MYMK: variants seen among roughly 807,000 people sequenced by gnomAD.
MYMK encodes the protein protein myomaker.
MYMK carries 16 observed loss-of-function variants against 22.4 expected under a neutral mutation model. The observed-to-expected ratio is 0.72, with a 90% confidence interval of 0.48 to 1.09. MYMK has a LOEUF of 1.09. Ranked by LOEUF, MYMK falls within the 50% of genes least tolerant of loss-of-function variation. The pLI is 0.00. For synonymous variants in MYMK, 125 were observed against 127.0 expected (o/e 0.98, Z 0.11); for missense variants, 250 against 295.6 (o/e 0.85, Z 1.13).
At chr9:133,516,560 C>T (rs1002583787) in intron 3 of MYMK, among the ~76,000 whole-genome samples, 1 of 152,228 alleles carries the variant, frequency 6.6e-6, no homozygotes, top group Non-Finnish European at 1.5e-5. Context: ...CACAAAGAGC[C>T]TTATGCTGGG....
intron 2 of MYMK, 149 bp downstream of exon 2, chr9:133,520,025 C>A (rs1000327716): frequency 9.9e-6 from 6 of 604,722 alleles, no homozygotes; most frequent in Non-Finnish European, 3.0e-6. Context: ...TTAAGCACAA[C>A]CCTGAAACCC....
intron 3 of MYMK, among the ~76,000 whole-genome samples, chr9:133,516,862 A>G (rs1052737306): frequency 5.3e-5 from 8 of 152,136 alleles, no homozygotes; most frequent in Non-Finnish European, 1.0e-4. Context: ...CCGGGCTGCC[A>G]TTGCCCAACC....
chr9:133,523,151 C>T (rs188640831), intron 1 of MYMK, among the ~76,000 whole-genome samples: 15 of 152,364 alleles, frequency 9.8e-5, no homozygotes, highest in African/African-American at 3.4e-4. Flanking sequence ...CCCACACGTG[C>T]ACACTCAGCT....
At position 133,515,223 on chromosome 9, in the gene MYMK, T is replaced by TG. The variant is rs1394433121; in HGVS notation, c.516+267dup. Reference sequence around the variant, plus strand: ...GCCCCAGGCGTCTCCCAGGCTGTGCTGCCGTCTGAGATGCCAGCTGTCTGT... The same window carrying TG: ...GCCCCAGGCGTCTCCCAGGCTGTGCTGGCCGTCTGAGATGCCAGCTGTCTGT... On this transcript the variant is annotated intron_variant, in intron 4 of 4. Coordinates refer to ENST00000339996, the MANE Select transcript of MYMK (RefSeq NM_001080483.3). The surrounding 1 kb of genome is among the most constrained non-coding windows in gnomAD (Gnocchi z 5.8). Among the ~76,000 whole-genome samples, 1 of 145,530 alleles carries TG rather than the reference T, an allele frequency of 6.9e-6. No individual in the cohort carries two copies. The highest frequency in any genetic ancestry group is 2.4e-4 in the East Asian group (1 of 4,230).
intron 3 of MYMK, 49 bp downstream of exon 3, chr9:133,518,825 G>A (rs940559159): frequency 1.3e-6 from 2 of 1,582,120 alleles, no homozygotes; most frequent in Non-Finnish European, 8.6e-7. Context: ...CAGGGGAGAG[G>A]TGACGGGCCT....
At chr9:133,521,349 G>A (rs1422644739) in intron 1 of MYMK, among the ~76,000 whole-genome samples, 1 of 152,200 alleles carries the variant, frequency 6.6e-6, no homozygotes, top group Non-Finnish European at 1.5e-5. Context: ...AGCTCAGCGG[G>A]AGGAGCAGGC....
chr9:133,518,957 C>T lies in MYMK; in HGVS notation c.316G>A (p.Val106Met), dbSNP rs145245299. ...FVMFGVLTIA[V>M]RIYHDRWGYG... The stretch of plus-strand genomic sequence containing the variant: ...CCCCATCGGTCATGGTAGATCCGCA[C>T]AGCAATGGTCAGGACGCCGAACATC... The change falls in exon 3 of 5, where the codon GTG becomes ATG. Residue 106 changes from valine to methionine, a missense_variant. Coordinates refer to ENST00000339996, the MANE Select transcript of MYMK (RefSeq NM_001080483.3). The T allele has an allele frequency of 8.7e-5, 140 of 1,613,996 alleles. No individual in the cohort carries two copies. The African/African-American group carries it at 1.1e-3, about 12-fold the overall frequency.
At chr9:133,517,296 C>T (rs925415188) in intron 3 of MYMK, among the ~76,000 whole-genome samples, 3 of 152,176 alleles carry the variant, frequency 2.0e-5, no homozygotes, top group East Asian at 3.9e-4. Context: ...CTCCCAGGGG[C>T]CTCCTGGGTC....
chr9:133,514,834 C>A, intron 4 of MYMK, 49 bp from the exon 5 acceptor site: 1 of 1,580,774 alleles, frequency 6.3e-7, no homozygotes, highest in Non-Finnish European at 8.6e-7. Context: ...CTCCCCGAGG[C>A]TCCTCCCTCT....
rs1198208780 is a variant in MYMK, at chr9:133,514,704, T to C, written c.598A>G (p.Lys200Glu). Residue 200 changes from lysine (K) to glutamate (E), a missense_variant, in exon 5 of 5, where the codon AAG (lysine) becomes GAG (glutamate). Coordinates refer to ENST00000339996, the MANE Select transcript of MYMK (RefSeq NM_001080483.3). ...SFVLLLPKVN[K>E]KAGSPGTPAK... Reference sequence around the variant, plus strand: ...GGGGTCCCCGGGGATCCAGCCTTCTTGTTGACCTTGGGCAGCAGCAGAACA... The same window carrying C: ...GGGGTCCCCGGGGATCCAGCCTTCTCGTTGACCTTGGGCAGCAGCAGAACA... 3 of 1,613,932 alleles carry C rather than the reference T, an allele frequency of 1.9e-6. No homozygotes were observed. Among genetic ancestry groups the C allele is most frequent in the African/African-American group, 1.3e-5 (1 of 74,914 alleles).
intron 3 of MYMK, among the ~76,000 whole-genome samples, chr9:133,518,555 A>G (rs1469380052): frequency 2.6e-5 from 4 of 152,236 alleles, no homozygotes; most frequent in African/African-American, 9.6e-5. Context: ...GCCTGATCTC[A>G]GTGAGTCTTT....
Position 133,515,392 on chromosome 9 carries a change from G to T in MYMK, c.516+99C>A. The T allele has an allele frequency of 1.2e-6, 1 of 823,764 alleles. No homozygotes were observed. The highest frequency in any genetic ancestry group is 2.0e-6 in the Non-Finnish European group (1 of 493,376). 51.0% of individuals were successfully genotyped at this position (823,764 alleles called of 1,614,324 possible). A position where few individuals can be genotyped will look rare whatever the true frequency, so the allele number is the denominator to read the frequency against. On this transcript the variant is annotated intron_variant, in intron 4 of 4. Coordinates refer to ENST00000339996, the MANE Select transcript of MYMK (RefSeq NM_001080483.3). This position sits in a 1 kb window ranked among gnomAD's most constrained non-coding sequence, Gnocchi z 5.8. Reference sequence around the variant, plus strand: ...ACCAGACTTTGGCCTGGGGCTGTCAGAGTCCCCCCAGCGTGGGCACAGCCC... The same window carrying T: ...ACCAGACTTTGGCCTGGGGCTGTCATAGTCCCCCCAGCGTGGGCACAGCCC...
At chr9:133,519,353 G>A (rs942753458) in intron 2 of MYMK, among the ~76,000 whole-genome samples, 1 of 152,150 alleles carries the variant, frequency 6.6e-6, no homozygotes, top group Non-Finnish European at 1.5e-5. Flanking sequence ...GATCGTCTGA[G>A]ACCAGGAGTT....
In MYMK at chr9:133,524,795, G is replaced by C; in HGVS notation, c.50C>G (p.Ala17Gly). 1 of 1,614,006 alleles carries C rather than the reference G, an allele frequency of 6.2e-7. No homozygotes were observed. Among genetic ancestry groups the C allele is most frequent in the Non-Finnish European group, 8.5e-7 (1 of 1,179,968 alleles). The change falls in exon 1 of 5, where the codon GCC (alanine) becomes GGC (glycine). Residue 17 changes from alanine to glycine, a missense_variant. Coordinates refer to ENST00000339996, the MANE Select transcript of MYMK (RefSeq NM_001080483.3). ...CGCGATGCTGACAGTGGGGAGGAAGGCCAGGCTGCTGAGGGTGGGCAGGAG... is the reference window on the plus strand; with the variant it reads ...CGCGATGCTGACAGTGGGGAGGAAGCCCAGGCTGCTGAGGGTGGGCAGGAG... Reference protein sequence around the residue: ...KLLLPTLSSLAFLPTVSIAAK... With the variant: ...KLLLPTLSSLGFLPTVSIAAK...
In MYMK at chr9:133,515,937, C is replaced by T. The variant is rs1305777398; in HGVS notation, c.400-330G>A. 6.6e-6 allele frequency among the ~76,000 whole-genome samples: 1 copy of T among 152,188 alleles called. No individual in the cohort carries two copies. The highest frequency in any genetic ancestry group is 1.9e-4 in the East Asian group (1 of 5,190). On this transcript the variant is annotated intron_variant, in intron 3 of 4. Coordinates refer to ENST00000339996, the MANE Select transcript of MYMK (RefSeq NM_001080483.3). This position sits in a 1 kb window ranked among gnomAD's most constrained non-coding sequence, Gnocchi z 5.8. ...GTCTCCTCCTCCCTGGAGGGGAGCT[C>T]TGGGGGGACTAGACTCCATGATTGC... is the stretch of plus-strand genomic sequence containing the variant.
At position 133,518,733 on chromosome 9, in the gene MYMK, G is replaced by A. The variant is rs9696693; in HGVS notation, c.399+141C>T. ...GGAGCACCTCATGGCTATTTTCTAC[G>A]TGGTTTTGCTGAATTCCTGCATCCA... On this transcript the variant is annotated intron_variant, in intron 3 of 4. Coordinates refer to ENST00000339996, the MANE Select transcript of MYMK (RefSeq NM_001080483.3). 1,605 of 1,089,504 alleles carry A rather than the reference G, an allele frequency of 1.5e-3. 15 individuals carry two copies. The highest frequency in any genetic ancestry group is 0.014 in the African/African-American group (878 of 63,726). The allele number at this position is 1,089,504 out of a possible 1,614,324, so 67.5% of individuals were successfully genotyped here. A position where few individuals can be genotyped will look rare whatever the true frequency, so the allele number is the denominator to read the frequency against.
chr9:133,522,499 A>T (rs1485377172), intron 1 of MYMK, among the ~76,000 whole-genome samples: 3 of 152,040 alleles, frequency 2.0e-5, no homozygotes, highest in Admixed American at 6.6e-5. Flanking sequence ...TTTGGGAGGG[A>T]CTGAGTGTGG....
In MYMK at chr9:133,524,703, G is replaced by T; in HGVS notation, c.135+7C>A. On this transcript the variant is annotated splice_region_variant and intron_variant, in intron 1 of 4. Coordinates refer to ENST00000339996, the MANE Select transcript of MYMK (RefSeq NM_001080483.3). ...GTGTGGGACTTCCTCCCAGCCCCCAGACTCACCGCCACGAAGAACAGGGTG... is the reference window on the plus strand; with the variant it reads ...GTGTGGGACTTCCTCCCAGCCCCCATACTCACCGCCACGAAGAACAGGGTG... 6.2e-7 allele frequency: 1 copy of T among 1,614,136 alleles called. No individual in the cohort carries two copies. Among genetic ancestry groups the T allele is most frequent in the Non-Finnish European group, 8.5e-7 (1 of 1,180,012 alleles).
chr9:133,517,189 G>A (rs886839056), intron 3 of MYMK, among the ~76,000 whole-genome samples: 24 of 152,250 alleles, frequency 1.6e-4, no homozygotes, highest in African/African-American at 4.8e-4. Flanking sequence ...GGCGAGAGGC[G>A]GGTGGCCAGG....
Sources: gnomAD v4.1 joint callset for allele counts (sites outside exome capture counted in the v4.1 genomes callset) on GRCh38, gnomAD v4.1.1 for gene constraint, Gnocchi (gnomAD v3.1) non-coding constraint, MANE v1.5 for transcripts, NCBI Gene and HGNC (gene_info 2026-07-23, HGNC 2026-07-21) for gene names.